DNAJC1: variants seen among roughly 807,000 people sequenced by gnomAD.
The protein encoded by DNAJC1 is DnaJ heat shock protein family (Hsp40) member C1.
A neutral mutation model predicts 76.6 loss-of-function variants in DNAJC1; 58 were observed. The ratio of observed to expected loss-of-function variants is 0.76; its 90% CI spans 0.61 to 0.94. The LOEUF is 0.94. Ranked by LOEUF, DNAJC1 falls within the 40% of genes least tolerant of loss-of-function variation. The pLI is 0.00. For missense variants in DNAJC1, 689 were observed against 677.3 expected, an observed-to-expected ratio of 1.02 and a Z score of -0.19; for synonymous variants, 258 against 267.9, an observed-to-expected ratio of 0.96 and a Z score of 0.36.
chr10:21,954,212 G>A (rs1235330159), intron 1 of DNAJC1, among the ~76,000 whole-genome samples: 1 of 151,962 alleles, frequency 6.6e-6, no homozygotes, highest in African/African-American at 2.4e-5. Flanking sequence ...TATAAAAAGA[G>A]GAAATAAAAT....
At chr10:21,982,415 T>C (rs1240791506) in intron 1 of DNAJC1, among the ~76,000 whole-genome samples, 1 of 152,024 alleles carries the variant, frequency 6.6e-6, no homozygotes, top group Non-Finnish European at 1.5e-5. Context: ...CTCATCAAAA[T>C]GAAAACCTTT....
intron 1 of DNAJC1, among the ~76,000 whole-genome samples, chr10:21,952,513 T>G (rs574521797): frequency 5.3e-5 from 8 of 152,134 alleles, no homozygotes; most frequent in African/African-American, 1.9e-4. Flanking sequence ...ATCCCAACAC[T>G]TTGGGAAGCA....
intron 9 of DNAJC1, among the ~76,000 whole-genome samples, chr10:21,791,195 G>A (rs1455288165): frequency 6.6e-6 from 1 of 152,114 alleles, no homozygotes; most frequent in Non-Finnish European, 1.5e-5. Context: ...ATGCACAGTT[G>A]TGAATATATA....
rs570349994 is a variant in DNAJC1 at position 21,986,120 on chromosome 10, G to A, written c.222+17093C>T. ...CGGGTGCCTGTAGTCCCAGCTACTC[G>A]GGAGGCTGAGGCAGGAGAATGGCGT... On this transcript the variant is annotated intron_variant, in intron 1 of 11. Coordinates refer to ENST00000376980, the MANE Select transcript of DNAJC1 (RefSeq NM_022365.4). Among the ~76,000 whole-genome samples the A allele has an allele frequency of 1.2e-3, 187 of 152,176 alleles. 3 individuals carry two copies. Among genetic ancestry groups the A allele is most frequent in the East Asian group, 7.0e-3 (36 of 5,158 alleles).
chr10:21,763,703 T>C (rs1417087223), intron 10 of DNAJC1, among the ~76,000 whole-genome samples: 1 of 152,216 alleles, frequency 6.6e-6, no homozygotes, highest in Middle Eastern at 3.4e-3. Flanking sequence ...CTCTGTGTAA[T>C]AGGAAATATT....
chr10:21,852,404 T>A (rs923167853), intron 8 of DNAJC1, among the ~76,000 whole-genome samples: 1 of 152,210 alleles, frequency 6.6e-6, no homozygotes, highest in African/African-American at 2.4e-5. Context: ...GAGGTGGTGG[T>A]TGGACAACAC....
At chr10:21,856,479 T>A (rs904832090) in intron 8 of DNAJC1, among the ~76,000 whole-genome samples, 3 of 152,136 alleles carry the variant, frequency 2.0e-5, no homozygotes, top group Admixed American at 6.5e-5. Context: ...CTACTATGCA[T>A]CTACTTCCAA....
chr10:21,967,731 C>T (rs1378257448), intron 1 of DNAJC1, among the ~76,000 whole-genome samples: 1 of 139,928 alleles, frequency 7.1e-6, no homozygotes, highest in Non-Finnish European at 1.6e-5. Flanking sequence ...CAGGTCAACA[C>T]ATACTTCAAT....
chr10:21,994,198 C>A (rs973668328), intron 1 of DNAJC1, among the ~76,000 whole-genome samples: 11 of 152,092 alleles, frequency 7.2e-5, no homozygotes, highest in Admixed American at 6.5e-4. Context: ...AAAATCAAAC[C>A]CAACTTTAAG....
intron 1 of DNAJC1, among the ~76,000 whole-genome samples, chr10:21,932,532 C>T (rs910214013): frequency 4.6e-5 from 7 of 152,188 alleles, no homozygotes; most frequent in Admixed American, 6.5e-5. Context: ...TCAAAATTTA[C>T]AGCAATTAGG....
chr10:21,921,979 C>T (rs1837050653), intron 3 of DNAJC1, among the ~76,000 whole-genome samples: 1 of 152,000 alleles, frequency 6.6e-6, no homozygotes, highest in Non-Finnish European at 1.5e-5. Context: ...ATTAAATCTT[C>T]ACTGAAAGGC....
intron 9 of DNAJC1, among the ~76,000 whole-genome samples, chr10:21,794,170 T>A (rs1276484390): frequency 6.7e-6 from 1 of 149,950 alleles, no homozygotes; most frequent in Non-Finnish European, 1.5e-5. Flanking sequence ...TTTGAGAGGC[T>A]GAGGTGGAAG....
intron 8 of DNAJC1, among the ~76,000 whole-genome samples, chr10:21,816,545 C>CTT (rs770275203): frequency 9.7e-5 from 13 of 134,598 alleles, no homozygotes; most frequent in Non-Finnish European, 1.1e-4. Flanking sequence ...GTCTCTCTCT[C>CTT]TTTTTTTTTT....
chr10:21,876,681 T>C (rs1390250410), intron 8 of DNAJC1, among the ~76,000 whole-genome samples: 1 of 152,198 alleles, frequency 6.6e-6, no homozygotes, highest in African/African-American at 2.4e-5. Context: ...CGTGTGGTAG[T>C]AGCACAAGGA....
At chr10:21,940,984 G>T (rs1837397705) in intron 1 of DNAJC1, among the ~76,000 whole-genome samples, 1 of 151,412 alleles carries the variant, frequency 6.6e-6, no homozygotes, top group Admixed American at 6.6e-5. Flanking sequence ...AGGCGCGGTA[G>T]CTCACGCCTG....
At chr10:21,917,112 T>C (rs1242951458) in intron 6 of DNAJC1, among the ~76,000 whole-genome samples, 1 of 151,958 alleles carries the variant, frequency 6.6e-6, no homozygotes, top group Non-Finnish European at 1.5e-5. Flanking sequence ...ACTTTAAAAT[T>C]CAAAGTGATC....
chr10:21,904,407 G>GAAA, intron 7 of DNAJC1, 115 bp downstream of exon 7: 7 of 504,162 alleles, frequency 1.4e-5, no homozygotes, highest in South Asian at 9.1e-5. Flanking sequence ...TAGGGAGTGG[G>GAAA]AAAAAAAAAA....
chr10:21,787,902 T>C (rs1479510560), intron 9 of DNAJC1, among the ~76,000 whole-genome samples: 5 of 152,222 alleles, frequency 3.3e-5, no homozygotes, highest in African/African-American at 9.6e-5. Flanking sequence ...GTGGCCTGCA[T>C]GGCCACCATG....
intron 9 of DNAJC1, among the ~76,000 whole-genome samples, chr10:21,771,071 T>C (rs1834370439): frequency 6.6e-6 from 1 of 152,200 alleles, no homozygotes; most frequent in Non-Finnish European, 1.5e-5. Context: ...ATTATGAATG[T>C]CATTAATTTC....
Sources: allele counts gnomAD v4.1 joint callset (sites outside exome capture counted in the v4.1 genomes callset), GRCh38; gene constraint gnomAD v4.1.1; transcripts MANE v1.5; gene names NCBI Gene and HGNC (gene_info 2026-07-23, HGNC 2026-07-21).